The following SPATA6 variants were observed in gnomAD, a reference collection of about 807,000 sequenced individuals.
SPATA6 encodes the protein spermatogenesis-associated protein 6.
A neutral mutation model predicts 65.3 loss-of-function variants in SPATA6; 56 were observed. The observed-to-expected ratio is 0.86, with a 90% CI of 0.69 to 1.07. SPATA6 has a LOEUF of 1.07. Ranked by LOEUF, SPATA6 falls within the 50% of genes least tolerant of loss-of-function variation. The probability of loss-of-function intolerance (pLI) is 0.00; values close to 1 mark genes in which losing one functional copy is unlikely to be tolerated. For synonymous variants in SPATA6, 199 were observed against 213.2 expected, an observed-to-expected ratio of 0.93 and a Z score of 0.58; for missense variants, 590 against 594.8, an observed-to-expected ratio of 0.99 and a Z score of 0.08.
chr1:48,431,685 A>G (rs1025708392), intron 3 of SPATA6, among the ~76,000 whole-genome samples: 5 of 152,248 alleles, frequency 3.3e-5, no homozygotes, highest in Non-Finnish European at 5.9e-5. Flanking sequence ...TCAATGGATT[A>G]AAGAAGAAAT....
chr1:48,276,797 T>C, the SPATA6 span, among the ~76,000 whole-genome samples: 1 of 152,230 alleles, frequency 6.6e-6, no homozygotes, highest in Non-Finnish European at 1.5e-5. Context: ...CTGAGAAGAA[T>C]GTATATTATG....
At chr1:48,291,781 GTT>G (rs1194720571), downstream of SPATA6, among the ~76,000 whole-genome samples, 1 of 152,202 alleles carries the variant, frequency 6.6e-6, no homozygotes, top group African/African-American at 2.4e-5. Flanking sequence ...CTTTCCTGGT[GTT>G]CCTGCAGTAG....
At chr1:48,413,228 C>T in intron 3 of SPATA6, 77 bp from the exon 4 acceptor site, 2 of 691,074 alleles carry the variant, frequency 2.9e-6, no homozygotes, top group East Asian at 4.3e-5. Context: ...ATGGGAGTGT[C>T]TAAAAGCCAA....
At chr1:48,323,948 T>C (rs1156940478) in intron 11 of SPATA6, among the ~76,000 whole-genome samples, 1 of 152,180 alleles carries the variant, frequency 6.6e-6, no homozygotes, top group Non-Finnish European at 1.5e-5. Context: ...ATTTTATTAC[T>C]TTGTTGTTAT....
chr1:48,346,994 G>C (rs937217695), intron 11 of SPATA6, among the ~76,000 whole-genome samples: 1 of 151,950 alleles, frequency 6.6e-6, no homozygotes, highest in Non-Finnish European at 1.5e-5. Flanking sequence ...CCAAAAAGGA[G>C]CCTGAAGAGC....
chr1:48,303,429 C>T (rs768540010), intron 12 of SPATA6, among the ~76,000 whole-genome samples: 2 of 152,080 alleles, frequency 1.3e-5, no homozygotes, highest in African/African-American at 2.4e-5. Flanking sequence ...CCTCTATTCC[C>T]TCCTCCCCTT....
chr1:48,433,674 T>C (rs1356505186), intron 3 of SPATA6, among the ~76,000 whole-genome samples: 2 of 152,148 alleles, frequency 1.3e-5, no homozygotes, highest in African/African-American at 2.4e-5. Context: ...TGAATACCTA[T>C]TTACCTCCCC....
At chr1:48,278,914 T>G in the SPATA6 span, among the ~76,000 whole-genome samples, 1 of 152,140 alleles carries the variant, frequency 6.6e-6, no homozygotes, top group African/African-American at 2.4e-5. Flanking sequence ...GGCAAAAATG[T>G]TAAGGGCAGC....
chr1:48,372,257 G>C (rs151034365), intron 9 of SPATA6, among the ~76,000 whole-genome samples: 85 of 152,238 alleles, frequency 5.6e-4, no homozygotes, highest in African/African-American at 1.5e-3. Flanking sequence ...AGACACAATG[G>C]GGGTACAGGT....
Position 48,395,282 on chromosome 1 carries a change from A to C in SPATA6, c.853T>G (p.Ser285Ala), listed in dbSNP as rs1217193453. The change falls in exon 8 of 13, where the codon TCA becomes GCA. Residue 285 changes from serine to alanine, a missense_variant. By Grantham distance (99) the Ser-to-Ala change is moderately conservative (BLOSUM62 1). Transcript: ENST00000371847. ...SGRDCERDGWSRVHNDHSHLG... is the reference protein window; with the variant it reads ...SGRDCERDGWARVHNDHSHLG... ...TCTAGCTTACCATTGTGCACCCTTGACCATCCATCTCTTTCACAGTCTCTT... is the reference window on the plus strand; with the variant it reads ...TCTAGCTTACCATTGTGCACCCTTGCCCATCCATCTCTTTCACAGTCTCTT... 3.2e-6 allele frequency: 5 copies of C among 1,565,810 alleles called. No individual in the cohort carries two copies. Among genetic ancestry groups the C allele is most frequent in the Non-Finnish European group, 4.3e-6 (5 of 1,153,234 alleles).
At chr1:48,423,560 C>CTTTT (rs1273413209) in intron 3 of SPATA6, among the ~76,000 whole-genome samples, 3 of 99,044 alleles carry the variant, frequency 3.0e-5, no homozygotes, top group African/African-American at 6.5e-5. Context: ...TTCTTTCTTT[C>CTTTT]TTTCTTTTTT....
chr1:48,312,020 G>T (rs1265405580), intron 11 of SPATA6, among the ~76,000 whole-genome samples: 1 of 152,208 alleles, frequency 6.6e-6, no homozygotes, highest in East Asian at 1.9e-4. Context: ...GAGGCTGGGG[G>T]AGGGGCGCCC....
intron 1 of SPATA6, 147 bp from the exon 2 acceptor site, chr1:48,453,278 T>C: frequency 1.1e-6 from 1 of 907,444 alleles, no homozygotes; most frequent in Non-Finnish European, 1.6e-6. Context: ...AGACAGAGAC[T>C]AGTGTTTACA....
chr1:48,395,385 G>C lies in SPATA6; in HGVS notation c.781-31C>G, dbSNP rs768753052. 7.0e-5 allele frequency: 103 copies of C among 1,470,958 alleles called. No homozygotes were observed. The Admixed American group carries it at 8.0e-4, about 11-fold the overall frequency. 91.1% of individuals were successfully genotyped at this position (1,470,958 alleles called of 1,614,324 possible). On this transcript the variant is annotated intron_variant, in intron 7 of 12. Transcript: ENST00000371847. ...GGAAGCAGGATTTTTATGTAAAAGA[G>C]AGTTTAAACATTCCTAGACTTTCAA... is the stretch of plus-strand genomic sequence containing the variant.
At chr1:48,324,111 A>G (rs1222434798) in intron 11 of SPATA6, among the ~76,000 whole-genome samples, 3 of 151,796 alleles carry the variant, frequency 2.0e-5, no homozygotes, top group Admixed American at 6.6e-5. Context: ...CACCACACCT[A>G]TCTACTCTAT....
intron 3 of SPATA6, among the ~76,000 whole-genome samples, chr1:48,439,203 G>C (rs148791942): frequency 2.0e-4 from 31 of 152,188 alleles, no homozygotes; most frequent in Admixed American, 5.2e-4. Flanking sequence ...AATTTTTCTC[G>C]GTACTCTTTG....
At chr1:48,262,471 C>T in the SPATA6 span, 2 of 152,098 alleles carry the variant, frequency 1.3e-5, no homozygotes, top group South Asian at 2.1e-4. Context: ...ATCATATAAC[C>T]TACCTTTGGT....
chr1:48,441,311 T>C (rs1427835381), intron 3 of SPATA6, among the ~76,000 whole-genome samples: 1 of 152,194 alleles, frequency 6.6e-6, no homozygotes, highest in Non-Finnish European at 1.5e-5. Flanking sequence ...AGTGTTAATT[T>C]CCTGTCCCGG....
chr1:48,463,020 C>T (rs1373910095), intron 1 of SPATA6, among the ~76,000 whole-genome samples: 1 of 152,112 alleles, frequency 6.6e-6, no homozygotes, highest in African/African-American at 2.4e-5. Flanking sequence ...TCTTTTCCTG[C>T]CCTGGGATAA....
Sources: allele counts gnomAD v4.1 joint callset (sites outside exome capture counted in the v4.1 genomes callset), GRCh38; gene constraint gnomAD v4.1.1; transcripts MANE v1.5; gene names NCBI Gene and HGNC (gene_info 2026-07-23, HGNC 2026-07-21).